Variants in SPAG16 observed in about 807,000 individuals in gnomAD.
The protein encoded by SPAG16 is sperm associated antigen 16.
SPAG16 carries 86 observed loss-of-function variants against 80.4 expected under a neutral mutation model. The ratio of observed to expected loss-of-function variants is 1.07; its 90% CI spans 0.90 to 1.28. SPAG16 has a LOEUF of 1.28. SPAG16 is among the 50% of genes most tolerant of loss of function. The pLI, the probability that SPAG16 is intolerant of heterozygous loss-of-function variation, is 0.00. For synonymous variants in SPAG16, 294 were observed against 265.9 expected (o/e 1.11, Z -1.03); for missense variants, 870 against 765.3 (o/e 1.14, Z -1.61).
Position 213,534,032 on chromosome 2 carries a change from C to T in SPAG16, c.1070+43942C>T, listed in dbSNP as rs1413243867. Among the ~76,000 whole-genome samples the T allele has an allele frequency of 2.0e-5, 3 of 152,102 alleles. No individual in the cohort carries two copies. The East Asian group carries it at 5.8e-4, about 29-fold the overall frequency. Reference sequence around the variant, plus strand: ...TTTATTTTTGATATTCTGACTTAAACCATGATAAAATTCATATGTAAGGGT... The same window carrying T: ...TTTATTTTTGATATTCTGACTTAAATCATGATAAAATTCATATGTAAGGGT... On this transcript the variant is annotated intron_variant, in intron 10 of 15. Transcript: ENST00000331683.
chr2:214,119,620 T>G (rs2054113661), intron 14 of SPAG16, among the ~76,000 whole-genome samples: 1 of 152,106 alleles, frequency 6.6e-6, no homozygotes, highest in Non-Finnish European at 1.5e-5. Flanking sequence ...CTTATTTTTA[T>G]TTTGCATTCT....
intron 10 of SPAG16, among the ~76,000 whole-genome samples, chr2:213,556,703 A>C (rs1169328950): frequency 6.6e-6 from 1 of 152,130 alleles, no homozygotes; most frequent in Non-Finnish European, 1.5e-5. Context: ...GAAAAATAAT[A>C]AGGAAACACT....
At chr2:214,019,831 G>C (rs192347859) in intron 13 of SPAG16, among the ~76,000 whole-genome samples, 1 of 152,160 alleles carries the variant, frequency 6.6e-6, no homozygotes, top group Non-Finnish European at 1.5e-5. Context: ...AACATCCTAG[G>C]TTCTCGAGAG....
chr2:214,187,479 A>G (rs2057517032), intron 15 of SPAG16, among the ~76,000 whole-genome samples: 1 of 152,152 alleles, frequency 6.6e-6, no homozygotes, highest in Admixed American at 6.6e-5. Context: ...AATTCATTCA[A>G]AAAGAATTGT....
chr2:213,780,365 T>C (rs924123894), intron 10 of SPAG16, among the ~76,000 whole-genome samples: 1 of 152,196 alleles, frequency 6.6e-6, no homozygotes, highest in Non-Finnish European at 1.5e-5. Flanking sequence ...TCTTCCCATT[T>C]TTCTCTGACT....
At chr2:213,985,197 C>T (rs1174968188) in intron 12 of SPAG16, among the ~76,000 whole-genome samples, 5 of 151,948 alleles carry the variant, frequency 3.3e-5, no homozygotes, top group East Asian at 3.9e-4. Flanking sequence ...GAAGTGGGTC[C>T]CTAACATCCA....
chr2:214,179,663 G>T (rs1402037662), intron 15 of SPAG16, among the ~76,000 whole-genome samples: 1 of 151,428 alleles, frequency 6.6e-6, no homozygotes, highest in African/African-American at 2.4e-5. Context: ...GCTCTCAATA[G>T]AATAGATATG....
intron 14 of SPAG16, among the ~76,000 whole-genome samples, chr2:214,110,072 T>C (rs945581186): frequency 6.0e-4 from 92 of 152,294 alleles, no homozygotes; most frequent in African/African-American, 2.1e-3. Context: ...GAGACATACA[T>C]TAATTTCCCA....
At chr2:213,623,264 G>C (rs2061848464) in intron 10 of SPAG16, among the ~76,000 whole-genome samples, 1 of 151,960 alleles carries the variant, frequency 6.6e-6, no homozygotes, top group Non-Finnish European at 1.5e-5. Context: ...AAGTGAAGGA[G>C]CTACTGGTTT....
intron 10 of SPAG16, among the ~76,000 whole-genome samples, chr2:213,741,138 C>T (rs1380075819): frequency 6.6e-6 from 1 of 151,894 alleles, no homozygotes; most frequent in African/African-American, 2.4e-5. Context: ...TCTTATTAAT[C>T]TTTATTAAAG....
chr2:214,087,871 G>A (rs1300673839), intron 13 of SPAG16, among the ~76,000 whole-genome samples: 1 of 151,752 alleles, frequency 6.6e-6, no homozygotes, highest in East Asian at 1.9e-4. Context: ...GCAATGAACA[G>A]GAAGAACATC....
chr2:214,388,549 A>C (rs1270939591), intron 15 of SPAG16, among the ~76,000 whole-genome samples: 1 of 152,198 alleles, frequency 6.6e-6, no homozygotes, highest in Non-Finnish European at 1.5e-5. Context: ...TATTAAAATC[A>C]CCTTCATCAA....
At chr2:213,856,787 C>T (rs907139147) in intron 10 of SPAG16, among the ~76,000 whole-genome samples, 1 of 152,156 alleles carries the variant, frequency 6.6e-6, no homozygotes, top group Non-Finnish European at 1.5e-5. Flanking sequence ...CTGGGCCTGG[C>T]TCATGAAACC....
intron 10 of SPAG16, among the ~76,000 whole-genome samples, chr2:213,693,524 A>G (rs933367100): frequency 3.3e-5 from 5 of 152,220 alleles, no homozygotes. Flanking sequence ...GCCATTAAAC[A>G]AAAATACATG....
In SPAG16 at chr2:213,674,545, C is replaced by G. The variant is rs567910094; in HGVS notation, c.1070+184455C>G. ...GCTATCCCTCCCCCTTTCCCCCACC[C>G]CACAACAGTCCCCAGAGTGTGATGT... On this transcript the variant is annotated intron_variant, in intron 10 of 15. Coordinates refer to ENST00000331683, the MANE Select transcript of SPAG16 (RefSeq NM_024532.5). 2.1e-3 allele frequency among the ~76,000 whole-genome samples: 317 copies of G among 149,646 alleles called. 25 individuals carry two copies. The highest frequency in any genetic ancestry group is 7.7e-3 in the African/African-American group (300 of 39,078).
At chr2:214,255,426 T>G (rs1387759712) in intron 15 of SPAG16, among the ~76,000 whole-genome samples, 2 of 152,048 alleles carry the variant, frequency 1.3e-5, no homozygotes, top group Non-Finnish European at 2.9e-5. Context: ...ACAATCAACA[T>G]TTTATTATAG....
intron 10 of SPAG16, among the ~76,000 whole-genome samples, chr2:213,518,544 CAT>C (rs2075534561): frequency 1.3e-5 from 2 of 152,162 alleles, no homozygotes; most frequent in Non-Finnish European, 2.9e-5. Context: ...CATGAGCTAC[CAT>C]GGCTGGCCTG....
chr2:214,325,434 G>T (rs1046051218), intron 15 of SPAG16, among the ~76,000 whole-genome samples: 2 of 152,184 alleles, frequency 1.3e-5, no homozygotes, highest in Non-Finnish European at 2.9e-5. Context: ...GAACTTTTAA[G>T]TATGTGTGTT....
chr2:214,288,791 C>T (rs916155732), intron 15 of SPAG16, among the ~76,000 whole-genome samples: 10 of 13,534 alleles, frequency 7.4e-4, no homozygotes, highest in Non-Finnish European at 1.2e-3. Context: ...TTATTTGAGA[C>T]GTTGTCTCGC....
Sources: gnomAD v4.1 joint callset for allele counts (sites outside exome capture counted in the v4.1 genomes callset) on GRCh38, gnomAD v4.1.1 for gene constraint, MANE v1.5 for transcripts, NCBI Gene and HGNC (gene_info 2026-07-23, HGNC 2026-07-21) for gene names.